Variants in CCDC170 observed in about 807,000 individuals in gnomAD.
CCDC170 encodes coiled-coil domain-containing protein 170.
CCDC170 carries 69 observed loss-of-function variants against 72.6 expected under a neutral mutation model. The ratio of observed to expected loss-of-function variants is 0.95; its 90% CI spans 0.78 to 1.16. CCDC170 has a LOEUF of 1.16. Among genes scored for constraint, CCDC170 ranks in the 50% most tolerant of loss-of-function variants. The pLI is 0.00. For missense variants in CCDC170, 852 were observed against 832.5 expected, an observed-to-expected ratio of 1.02 and a Z score of -0.29; for synonymous variants, 300 against 303.9, an observed-to-expected ratio of 0.99 and a Z score of 0.13.
At chr6:151,548,926 AGTCTCACTCT>A (rs1349041883) in intron 5 of CCDC170, among the ~76,000 whole-genome samples, 1 of 151,082 alleles carries the variant, frequency 6.6e-6, no homozygotes, top group Non-Finnish European at 1.5e-5. Flanking sequence ...TTTTGGACGG[AGTCTCACTCT>A]GTCACCCATG....
chr6:151,557,610 C>G (rs549190263), intron 5 of CCDC170, among the ~76,000 whole-genome samples: 2 of 152,194 alleles, frequency 1.3e-5, no homozygotes, highest in African/African-American at 4.8e-5. Context: ...TAAGAAATCT[C>G]CATACTGTGT....
chr6:151,527,677 AAG>A (rs1460276930), intron 1 of CCDC170, among the ~76,000 whole-genome samples: 2 of 151,978 alleles, frequency 1.3e-5, no homozygotes, highest in African/African-American at 4.8e-5. Flanking sequence ...CGTGGGGAGA[AAG>A]AGAGGGAGAG....
At position 151,535,038 on chromosome 6, in the gene CCDC170, G is replaced by C. The variant is rs559031659; in HGVS notation, c.58-1280G>C. On this transcript the variant is annotated intron_variant, in intron 1 of 10. Coordinates refer to ENST00000239374, the MANE Select transcript of CCDC170 (RefSeq NM_025059.4). ...TCAGTAATAATTCTTGAAGGAAGCA[G>C]GCATATGGCATGAGTCAGATGGAAA... Among the ~76,000 whole-genome samples the C allele has an allele frequency of 9.8e-5, 15 of 152,316 alleles. No homozygotes were observed. The East Asian group carries it at 2.9e-3, about 29-fold the overall frequency.
chr6:151,616,017 A>G lies in CCDC170; in HGVS notation c.1947+338A>G, dbSNP rs191067199. On this transcript the variant is annotated intron_variant, in intron 10 of 10. Coordinates refer to ENST00000239374, the MANE Select transcript of CCDC170 (RefSeq NM_025059.4). Reference sequence around the variant, plus strand: ...GCTAAGAAAAATTATTCACATTTCCATGGCACAAATTGTAGGAAAGGAAAA... The same window carrying G: ...GCTAAGAAAAATTATTCACATTTCCGTGGCACAAATTGTAGGAAAGGAAAA... The G allele has an allele frequency of 8.7e-4, 191 of 219,552 alleles. 1 individual carries two copies. Among genetic ancestry groups the G allele is most frequent in the African/African-American group, 4.2e-3 (178 of 42,704 alleles). The allele number at this position is 219,552 out of a possible 1,614,324, so 13.6% of individuals were successfully genotyped here.
At chr6:151,536,121 C>T (rs1031255900) in intron 1 of CCDC170, 197 bp from the exon 2 acceptor site, 8 of 567,186 alleles carry the variant, frequency 1.4e-5, no homozygotes, top group Admixed American at 3.1e-5. Flanking sequence ...CATTTGTTCC[C>T]GAACTTTCTC....
At position 151,620,878 on chromosome 6, in the gene CCDC170, AGTG is replaced by A. The variant is rs1455915823; in HGVS notation, c.*2734_*2736del. 1 of 152,170 alleles carries A rather than the reference AGTG, an allele frequency of 6.6e-6. No homozygotes were observed. The highest frequency in any genetic ancestry group is 1.5e-5 in the Non-Finnish European group (1 of 68,030). 9.4% of individuals were successfully genotyped at this position (152,170 alleles called of 1,614,324 possible). ...ATGTAAGAGACTAAAAATGATCCAT[AGTG>A]GTTAGTACTGTAATTTCTGTTTATT... On this transcript the variant is annotated 3_prime_UTR_variant, in exon 11 of 11. Transcript: ENST00000239374.
intron 10 of CCDC170, among the ~76,000 whole-genome samples, chr6:151,617,390 A>C (rs1776984832): frequency 8.7e-6 from 1 of 115,292 alleles, no homozygotes; most frequent in Admixed American, 9.4e-5. Context: ...ATTAGCTTAT[A>C]CTTTCTTGCT....
chr6:151,556,497 G>A (rs1306267475), intron 5 of CCDC170, among the ~76,000 whole-genome samples: 1 of 152,116 alleles, frequency 6.6e-6, no homozygotes, highest in Non-Finnish European at 1.5e-5. Flanking sequence ...AAACTTTAAA[G>A]TAATACAATT....
chr6:151,518,839 G>A (rs1326254625), intron 1 of CCDC170, among the ~76,000 whole-genome samples: 1 of 152,156 alleles, frequency 6.6e-6, no homozygotes, highest in East Asian at 1.9e-4. Flanking sequence ...ACTTTAAAAG[G>A]GGAAGGGGTG....
At chr6:151,576,580 C>T (rs985755478) in intron 6 of CCDC170, among the ~76,000 whole-genome samples, 12 of 152,020 alleles carry the variant, frequency 7.9e-5, no homozygotes, top group Non-Finnish European at 1.8e-4. Flanking sequence ...TCTCCCACTC[C>T]CCATAAAAAT....
Position 151,494,182 on chromosome 6 carries a change from C to A in CCDC170, c.54C>A (p.Pro18=). ...HIALGAASPA[P]EETYDHLSEV... ...CGCTGGGTGCCGCTTCGCCAGCGCC[C>A]GAGGTACGGTCCCAGCCGCCGGCCG... The change falls in exon 1 of 11, where the codon CCC becomes CCA. Residue 18 remains proline (P), a synonymous_variant. Transcript: ENST00000239374. The A allele has an allele frequency of 1.3e-6, 2 of 1,514,670 alleles. No individual in the cohort carries two copies. The highest frequency in any genetic ancestry group is 8.8e-7 in the Non-Finnish European group (1 of 1,135,056). 93.8% of individuals were successfully genotyped at this position (1,514,670 alleles called of 1,614,324 possible).
rs1776999370 is a variant in CCDC170 at position 151,618,123 on chromosome 6, A to G, written c.2124A>G (p.Gln708=). The part of the protein sequence containing the change: ...DVTTGQERHP[Q]GHLQLLH ...CTACTGGGCAAGAGAGGCACCCACA[A>G]GGCCATTTACAGCTTCTTCATTGAA... Residue 708 remains glutamine, a synonymous_variant, in exon 11 of 11, where the codon CAA becomes CAG. Coordinates refer to ENST00000239374, the MANE Select transcript of CCDC170 (RefSeq NM_025059.4). 1 of 1,614,030 alleles carries G rather than the reference A, an allele frequency of 6.2e-7. No individual in the cohort carries two copies. Among genetic ancestry groups the G allele is most frequent in the East Asian group, 2.2e-5 (1 of 44,900 alleles).
chr6:151,583,129 A>C (rs889474736), intron 6 of CCDC170, among the ~76,000 whole-genome samples: 1 of 150,664 alleles, frequency 6.6e-6, no homozygotes, highest in Non-Finnish European at 1.5e-5. Context: ...AGTAGCTGGG[A>C]CTACAGGCGC....
At chr6:151,582,816 A>C (rs1368292980) in intron 6 of CCDC170, among the ~76,000 whole-genome samples, 1 of 152,108 alleles carries the variant, frequency 6.6e-6, no homozygotes. Context: ...ACTAAGAGTG[A>C]GCAGTCACTC....
At chr6:151,522,326 A>G (rs1009528615) in intron 1 of CCDC170, among the ~76,000 whole-genome samples, 2 of 152,184 alleles carry the variant, frequency 1.3e-5, no homozygotes, top group African/African-American at 4.8e-5. Flanking sequence ...CTTGTTAGAT[A>G]TGAGTTCTCA....
intron 9 of CCDC170, among the ~76,000 whole-genome samples, chr6:151,602,837 G>A (rs1038310925): frequency 7.0e-6 from 1 of 142,344 alleles, no homozygotes; most frequent in Non-Finnish European, 1.5e-5. Flanking sequence ...TTCCGCTCTT[G>A]TTGCCCAGGT....
intron 5 of CCDC170, among the ~76,000 whole-genome samples, chr6:151,568,105 GAAAAAAAAAAAAA>G (rs771627857): frequency 2.6e-5 from 1 of 38,266 alleles, no homozygotes; most frequent in Non-Finnish European, 4.8e-5. Flanking sequence ...GTGAGACTCT[GAAAAAAAAAAAAA>G]AAAAAAAAAA....
chr6:151,543,412 T>C (rs1782722257), intron 3 of CCDC170, among the ~76,000 whole-genome samples: 1 of 150,802 alleles, frequency 6.6e-6, no homozygotes, highest in African/African-American at 2.5e-5. Context: ...TCAGGGAAAT[T>C]AGTAAATCCA....
In CCDC170 at chr6:151,621,007, C is replaced by T. The variant is rs1043563561; in HGVS notation, c.*2860C>T. 6.6e-6 allele frequency: 1 copy of T among 152,076 alleles called. No individual in the cohort carries two copies. Among genetic ancestry groups the T allele is most frequent in the East Asian group, 1.9e-4 (1 of 5,188 alleles). 9.4% of individuals were successfully genotyped at this position (152,076 alleles called of 1,614,324 possible). On this transcript the variant is annotated 3_prime_UTR_variant, in exon 11 of 11. Coordinates refer to ENST00000239374, the MANE Select transcript of CCDC170 (RefSeq NM_025059.4). ...CATACACAGAATGATCTACAGTGATCTTTAACATACTCAGAAATATGAAAA... is the reference window on the plus strand; with the variant it reads ...CATACACAGAATGATCTACAGTGATTTTTAACATACTCAGAAATATGAAAA...
Sources: gnomAD v4.1 joint callset for allele counts (sites outside exome capture counted in the v4.1 genomes callset) on GRCh38, gnomAD v4.1.1 for gene constraint, MANE v1.5 for transcripts, NCBI Gene and HGNC (gene_info 2026-07-23, HGNC 2026-07-21) for gene names.